The following CRADD variants were observed in gnomAD, a reference collection of about 807,000 sequenced individuals.
CRADD encodes the protein death domain-containing protein CRADD.
CRADD carries 9 observed loss-of-function variants against 15.5 expected under a neutral mutation model. The ratio of observed to expected loss-of-function variants is 0.58; its 90% CI spans 0.35 to 1.01. The LOEUF (loss-of-function observed/expected upper bound fraction) is 1.01, where lower values mean the gene tolerates loss of function less well. Ranked by LOEUF, CRADD falls within the 50% of genes least tolerant of loss-of-function variation. The pLI is 0.02. For synonymous variants in CRADD, 118 were observed against 107.6 expected (o/e 1.10, Z -0.60); for missense variants, 227 against 250.3 (o/e 0.91, Z 0.63).
intron 2 of CRADD, among the ~76,000 whole-genome samples, chr12:93,680,888 AT>A (rs879875186): frequency 8.0e-4 from 116 of 144,682 alleles, no homozygotes; most frequent in Non-Finnish European, 8.2e-4. Flanking sequence ...GTATAATACC[AT>A]TTTTTTTTTT....
chr12:93,753,553 C>T (rs1374626551), intron 2 of CRADD, among the ~76,000 whole-genome samples: 2 of 152,218 alleles, frequency 1.3e-5, no homozygotes, highest in African/African-American at 4.8e-5. Context: ...TTACTTCCTA[C>T]ATACAATGGG....
chr12:93,876,670 CTTAA>C (rs1958459719), intron 2 of CRADD, among the ~76,000 whole-genome samples: 2 of 151,984 alleles, frequency 1.3e-5, no homozygotes, highest in South Asian at 2.1e-4. Context: ...CTTGATTCTT[CTTAA>C]TTATTTCAAT....
intron 2 of CRADD, among the ~76,000 whole-genome samples, chr12:93,823,237 A>G (rs1407346215): frequency 3.3e-5 from 5 of 151,868 alleles, no homozygotes; most frequent in Admixed American, 6.6e-5. Flanking sequence ...AGTTGCAGTG[A>G]GCCAAGATTG....
In CRADD at chr12:93,882,442, G is replaced by GA. The variant is rs1457903520; in HGVS notation, c.299-11604dup. Among the ~76,000 whole-genome samples, 797 of 149,014 alleles carry GA rather than the reference G, an allele frequency of 5.3e-3. 8 individuals carry two copies. The highest frequency in any genetic ancestry group is 0.019 in the African/African-American group (760 of 40,566). On this transcript the variant is annotated intron_variant, in intron 2 of 2. Coordinates refer to the CRADD transcript ENST00000548483. ...TCTCAAAAAAAAAAAAAAAAAAACG[G>GA]AAAAGAAAAATATATACATATTATA...
At chr12:93,702,752 G>T (rs1467281149) in intron 2 of CRADD, among the ~76,000 whole-genome samples, 1 of 151,520 alleles carries the variant, frequency 6.6e-6, no homozygotes, top group Non-Finnish European at 1.5e-5. Flanking sequence ...TACCCTCCCA[G>T]CCCCCACCAA....
At chr12:93,715,939 C>A (rs1008102891) in intron 2 of CRADD, among the ~76,000 whole-genome samples, 2 of 151,820 alleles carry the variant, frequency 1.3e-5, no homozygotes, top group African/African-American at 4.8e-5. Flanking sequence ...GTCAGGAGTT[C>A]GAGATTAGCT....
chr12:93,710,612 T>G (rs1052863419), intron 2 of CRADD, among the ~76,000 whole-genome samples: 7 of 152,170 alleles, frequency 4.6e-5, no homozygotes, highest in African/African-American at 1.4e-4. Flanking sequence ...CCCAAAGGGC[T>G]GGGATTACAG....
At chr12:93,767,364 A>G (rs1317559418) in intron 2 of CRADD, among the ~76,000 whole-genome samples, 4 of 151,982 alleles carry the variant, frequency 2.6e-5, no homozygotes, top group African/African-American at 9.7e-5. Flanking sequence ...CCCTTGTTTC[A>G]CTTTGTGTTT....
At chr12:93,702,474 A>G (rs1256014511) in intron 2 of CRADD, among the ~76,000 whole-genome samples, 1 of 151,852 alleles carries the variant, frequency 6.6e-6, no homozygotes, top group Non-Finnish European at 1.5e-5. Flanking sequence ...TTCTCACCTT[A>G]AGAAAATCCA....
chr12:93,869,615 A>G (rs1358677056), intron 2 of CRADD, among the ~76,000 whole-genome samples: 1 of 152,196 alleles, frequency 6.6e-6, no homozygotes, highest in African/African-American at 2.4e-5. Flanking sequence ...AAAAAATGCA[A>G]TCTCAGAACT....
intron 2 of CRADD, among the ~76,000 whole-genome samples, chr12:93,823,207 G>A (rs1381588463): frequency 7.3e-5 from 11 of 151,700 alleles, no homozygotes; most frequent in Admixed American, 6.6e-4. Context: ...CAGGAGAATC[G>A]CTTGAACCCA....
At chr12:93,871,472 C>A (rs1204735065) in intron 2 of CRADD, among the ~76,000 whole-genome samples, 1 of 152,214 alleles carries the variant, frequency 6.6e-6, no homozygotes. Flanking sequence ...ACTATAGTCA[C>A]CCTGTTTTGC....
chr12:93,751,036 C>CT (rs1395307074), intron 2 of CRADD, among the ~76,000 whole-genome samples: 1 of 152,172 alleles, frequency 6.6e-6, no homozygotes, highest in African/African-American at 2.4e-5. Context: ...TTGCCTGTGT[C>CT]TACTATACTC....
At chr12:93,820,594 G>C (rs1418213555) in intron 2 of CRADD, among the ~76,000 whole-genome samples, 1 of 151,558 alleles carries the variant, frequency 6.6e-6, no homozygotes, top group African/African-American at 2.4e-5. Flanking sequence ...CTGAGAAGAC[G>C]CATCACTGGG....
intron 2 of CRADD, among the ~76,000 whole-genome samples, chr12:93,768,707 G>T (rs112591099): frequency 1.3e-5 from 2 of 152,216 alleles, no homozygotes; most frequent in Non-Finnish European, 2.9e-5. Flanking sequence ...TAACGTACAT[G>T]CAGAAAAGTA....
chr12:93,855,548 C>T (rs1436212060), downstream of CRADD, among the ~76,000 whole-genome samples: 2 of 152,188 alleles, frequency 1.3e-5, no homozygotes, highest in Non-Finnish European at 2.9e-5. Flanking sequence ...TATGGGAATG[C>T]AGAGGAGAAA....
chr12:93,868,516 T>A (rs545716782), intron 2 of CRADD, among the ~76,000 whole-genome samples: 4 of 152,336 alleles, frequency 2.6e-5, no homozygotes, highest in Non-Finnish European at 5.9e-5. Flanking sequence ...ATCTAAAATA[T>A]GTTGTTCAAC....
rs12310878 is a variant in CRADD, at chr12:93,843,305, C to A, written c.299-6665C>A. Among the ~76,000 whole-genome samples the A allele has an allele frequency of 1.7e-3, 251 of 151,874 alleles. 1 individual carries two copies. Among genetic ancestry groups the A allele is most frequent in the Admixed American group, 2.2e-3 (34 of 15,274 alleles). ...TCCTAAGCTTCAGTCATTTGGGGTC[C>A]CCTTGTTTAATTTTTGCGGTATCTA... On this transcript the variant is annotated intron_variant, in intron 2 of 2. Coordinates refer to ENST00000332896, the MANE Select transcript of CRADD (RefSeq NM_003805.5).
At chr12:93,701,236 T>A (rs1254362085) in intron 2 of CRADD, among the ~76,000 whole-genome samples, 1 of 151,964 alleles carries the variant, frequency 6.6e-6, no homozygotes, top group Non-Finnish European at 1.5e-5. Flanking sequence ...AGGTTTATTT[T>A]TCCCTTCTCC....
Sources: gnomAD v4.1 joint callset for allele counts (sites outside exome capture counted in the v4.1 genomes callset) on GRCh38, gnomAD v4.1.1 for gene constraint, MANE v1.5 for transcripts, NCBI Gene and HGNC (gene_info 2026-07-23, HGNC 2026-07-21) for gene names.